The following NRXN1 variants were observed in gnomAD, a reference collection of about 807,000 sequenced individuals.
The protein encoded by NRXN1 is neurexin-1.
NRXN1 carries 39 observed loss-of-function variants against 150.9 expected under a neutral mutation model. The ratio of observed to expected loss-of-function variants is 0.26; its 90% CI spans 0.20 to 0.34. NRXN1 has a LOEUF of 0.34. Among genes scored for constraint, NRXN1 ranks in the 10% least tolerant of loss-of-function variants. The pLI, the probability that NRXN1 is intolerant of heterozygous loss-of-function variation, is 1.00. For synonymous variants in NRXN1, 924 were observed against 757.0 expected, an observed-to-expected ratio of 1.22 and a Z score of -3.62; for missense variants, 1,815 against 1,949.9, an observed-to-expected ratio of 0.93 and a Z score of 1.30.
intron 17 of NRXN1, among the ~76,000 whole-genome samples, chr2:50,285,224 G>A (rs1477214766): frequency 6.6e-6 from 1 of 152,114 alleles, no homozygotes; most frequent in African/African-American, 2.4e-5. Context: ...TTGTGCATTT[G>A]AAAGATTATT....
chr2:50,869,808 C>G (rs906368706), intron 5 of NRXN1, among the ~76,000 whole-genome samples: 10 of 151,818 alleles, frequency 6.6e-5, no homozygotes, highest in African/African-American at 2.2e-4. Context: ...ATTAACTCAA[C>G]ATAAGTGAGT....
intron 2 of NRXN1, among the ~76,000 whole-genome samples, chr2:51,007,531 G>A (rs550441959): frequency 1.3e-4 from 19 of 151,830 alleles, no homozygotes; most frequent in African/African-American, 3.1e-4. Flanking sequence ...ACATCAAAAC[G>A]TACTTTTACC....
At chr2:50,239,532 C>T (rs2065790534) in intron 17 of NRXN1, among the ~76,000 whole-genome samples, 1 of 149,002 alleles carries the variant, frequency 6.7e-6, no homozygotes, top group Admixed American at 6.7e-5. Context: ...TATTATGGAA[C>T]ATAGGGCAGA....
intron 17 of NRXN1, among the ~76,000 whole-genome samples, chr2:50,403,078 C>T (rs1049140016): frequency 6.6e-6 from 1 of 152,082 alleles, no homozygotes; most frequent in African/African-American, 2.4e-5. Context: ...GCACCCCAGG[C>T]ATGGTTGCTG....
chr2:50,951,444 G>A (rs1691321651), intron 2 of NRXN1, among the ~76,000 whole-genome samples: 1 of 152,108 alleles, frequency 6.6e-6, no homozygotes, highest in South Asian at 2.1e-4. Flanking sequence ...AATTATCTGA[G>A]CCTAGAACCT....
chr2:50,622,749 C>T (rs1359469768), intron 6 of NRXN1, among the ~76,000 whole-genome samples: 1 of 152,098 alleles, frequency 6.6e-6, no homozygotes, highest in East Asian at 1.9e-4. Context: ...TGGGGTTTAA[C>T]TTAAAGCATC....
At chr2:50,729,172 C>A (rs1032999432) in intron 5 of NRXN1, among the ~76,000 whole-genome samples, 2 of 152,090 alleles carry the variant, frequency 1.3e-5, no homozygotes, top group Admixed American at 6.5e-5. Flanking sequence ...TTCTAATAAT[C>A]ATATTTTCAT....
chr2:50,802,939 G>T (rs898593703), intron 5 of NRXN1, among the ~76,000 whole-genome samples: 1 of 152,132 alleles, frequency 6.6e-6, no homozygotes, highest in Admixed American at 6.6e-5. Flanking sequence ...GCAGATTTCA[G>T]AAGCAGAGTG....
At chr2:50,613,017 G>C (rs1678443340) in intron 8 of NRXN1, among the ~76,000 whole-genome samples, 2 of 152,134 alleles carry the variant, frequency 1.3e-5, no homozygotes, top group African/African-American at 2.4e-5. Flanking sequence ...AAACTAGGCT[G>C]GGCCTATAAC....
chr2:50,467,664 A>G (rs1283969975), intron 16 of NRXN1, among the ~76,000 whole-genome samples: 5 of 151,576 alleles, frequency 3.3e-5, no homozygotes, highest in African/African-American at 1.2e-4. Context: ...TAATAATAAT[A>G]ATAATAACAG....
intron 16 of NRXN1, among the ~76,000 whole-genome samples, chr2:50,470,334 A>T (rs1448990789): frequency 2.0e-5 from 3 of 151,742 alleles, no homozygotes; most frequent in Non-Finnish European, 4.4e-5. Context: ...AAAGGGAAAA[A>T]AACATAGTTT....
At chr2:50,938,712 A>G (rs1304498297) in intron 2 of NRXN1, among the ~76,000 whole-genome samples, 1 of 152,082 alleles carries the variant, frequency 6.6e-6, no homozygotes, top group African/African-American at 2.4e-5. Flanking sequence ...CATTTTTAGC[A>G]AAATGCCTGA....
At chr2:50,656,379 C>T (rs1487381802) in intron 5 of NRXN1, 1 of 776,824 alleles carries the variant, frequency 1.3e-6, no homozygotes, top group Non-Finnish European at 2.4e-6. Context: ...CATTTGCTTC[C>T]AGAAGTCATG....
At chr2:50,475,785 A>C (rs2089938935) in intron 15 of NRXN1, among the ~76,000 whole-genome samples, 1 of 152,056 alleles carries the variant, frequency 6.6e-6, no homozygotes, top group Admixed American at 6.6e-5. Flanking sequence ...AAGAGAACAA[A>C]GAAACTCCTT....
chr2:50,610,675 A>ATATATATATATATATATATATATATATC (rs1677937708), intron 8 of NRXN1, among the ~76,000 whole-genome samples: 1 of 129,910 alleles, frequency 7.7e-6, no homozygotes, highest in African/African-American at 2.9e-5. Context: ...ATATATATAT[A>ATATATATATATATATATATATATATATC]TATCTGTACA....
intron 2 of NRXN1, among the ~76,000 whole-genome samples, chr2:50,927,316 T>C (rs1277939504): frequency 1.3e-5 from 2 of 152,026 alleles, no homozygotes; most frequent in African/African-American, 2.4e-5. Flanking sequence ...CACAGGCACA[T>C]CTACTGATGT....
intron 21 of NRXN1, among the ~76,000 whole-genome samples, chr2:50,001,105 T>C (rs997206165): frequency 2.0e-5 from 3 of 152,194 alleles, no homozygotes; most frequent in African/African-American, 7.2e-5. Context: ...TTGTAGTCAG[T>C]GGCTTTAGCA....
At chr2:50,767,483 T>C (rs758933033) in intron 5 of NRXN1, among the ~76,000 whole-genome samples, 38 of 152,036 alleles carry the variant, frequency 2.5e-4, no homozygotes, top group Non-Finnish European at 4.4e-4. Flanking sequence ...AGATTTTTAT[T>C]TGGTGAAAGG....
intron 17 of NRXN1, among the ~76,000 whole-genome samples, chr2:50,258,824 A>G (rs1303606287): frequency 6.6e-6 from 1 of 152,048 alleles, no homozygotes; most frequent in East Asian, 1.9e-4. Context: ...GGATAAAATT[A>G]TATTAATCCC....
Sources: gnomAD v4.1 joint callset for allele counts (sites outside exome capture counted in the v4.1 genomes callset) on GRCh38, gnomAD v4.1.1 for gene constraint, MANE v1.5 for transcripts, NCBI Gene and HGNC (gene_info 2026-07-23, HGNC 2026-07-21) for gene names.